RABGAP1L: variants seen among roughly 807,000 people sequenced by gnomAD.
RABGAP1L encodes the protein RAB GTPase activating protein 1 like.
In RABGAP1L, 63 loss-of-function variants were observed where a neutral mutation model predicts 137.7. The ratio of observed to expected loss-of-function variants is 0.46; its 90% CI spans 0.37 to 0.56. The LOEUF is 0.56. Among genes scored for constraint, RABGAP1L ranks in the 20% least tolerant of loss-of-function variants. The pLI is 0.00. For missense variants in RABGAP1L, 1,095 were observed against 1,244.0 expected, an observed-to-expected ratio of 0.88 and a Z score of 1.80; for synonymous variants, 431 against 433.7, an observed-to-expected ratio of 0.99 and a Z score of 0.08.
chr1:174,658,542 A>G (rs550349456), intron 14 of RABGAP1L, among the ~76,000 whole-genome samples: 23 of 152,264 alleles, frequency 1.5e-4, no homozygotes, highest in African/African-American at 5.1e-4. Context: ...TACTGCTGCC[A>G]GTTCTCTTGT....
At chr1:174,468,134 TTTTG>T (rs1301509845) in intron 13 of RABGAP1L, among the ~76,000 whole-genome samples, 1 of 152,152 alleles carries the variant, frequency 6.6e-6, no homozygotes, top group Non-Finnish European at 1.5e-5. Context: ...AAATTATTGC[TTTTG>T]TTTACTTATT....
chr1:174,846,414 C>G (rs1469939710), intron 19 of RABGAP1L, among the ~76,000 whole-genome samples: 2 of 151,370 alleles, frequency 1.3e-5, no homozygotes, highest in Non-Finnish European at 2.9e-5. Flanking sequence ...CCCAGAGATT[C>G]TGGTATGTTG....
chr1:174,868,931 A>T (rs1379622222), intron 19 of RABGAP1L, among the ~76,000 whole-genome samples: 3 of 152,086 alleles, frequency 2.0e-5, no homozygotes, highest in Non-Finnish European at 4.4e-5. Flanking sequence ...GTTTATGGAA[A>T]ATTGGTAGAG....
intron 14 of RABGAP1L, among the ~76,000 whole-genome samples, chr1:174,645,533 T>C (rs1390942727): frequency 2.0e-5 from 3 of 152,084 alleles, no homozygotes; most frequent in African/African-American, 7.3e-5. Flanking sequence ...TCCATGTCCC[T>C]GCAAAGGACA....
intron 13 of RABGAP1L, among the ~76,000 whole-genome samples, chr1:174,456,489 G>A (rs10489259): frequency 0.06 from 9,178 of 151,852 alleles, 985 homozygotes; most frequent in African/African-American, 0.21. Context: ...ATCATCGGTT[G>A]GATTTTTCTC....
At chr1:174,163,209 T>C (rs1273966485) in intron 1 of RABGAP1L, among the ~76,000 whole-genome samples, 1 of 152,188 alleles carries the variant, frequency 6.6e-6, no homozygotes, top group African/African-American at 2.4e-5. Flanking sequence ...TCCTAGACTT[T>C]CAGAACGGGA....
chr1:174,316,593 T>C (rs1319817155), intron 11 of RABGAP1L, among the ~76,000 whole-genome samples: 1 of 151,788 alleles, frequency 6.6e-6, no homozygotes, highest in Non-Finnish European at 1.5e-5. Flanking sequence ...AAACAAACAT[T>C]CTCTCTCTCT....
At chr1:174,260,962 T>C (rs1673535057) in intron 7 of RABGAP1L, among the ~76,000 whole-genome samples, 1 of 151,980 alleles carries the variant, frequency 6.6e-6, no homozygotes, top group South Asian at 2.1e-4. Context: ...AGACAAATAA[T>C]ACCATATACA....
chr1:174,548,045 A>T (rs1216859830), intron 13 of RABGAP1L: 3 of 1,550,426 alleles, frequency 1.9e-6, no homozygotes, highest in Non-Finnish European at 2.6e-6. Context: ...AAGAGGCTTA[A>T]TGCCTGTTAA....
At chr1:174,675,879 G>T (rs984527560) in intron 14 of RABGAP1L, among the ~76,000 whole-genome samples, 6 of 152,192 alleles carry the variant, frequency 3.9e-5, no homozygotes, top group African/African-American at 1.4e-4. Flanking sequence ...TTATCCTTTT[G>T]TGAAATTTTA....
chr1:174,272,536 G>T, intron 8 of RABGAP1L, 56 bp downstream of exon 8: 3 of 1,416,536 alleles, frequency 2.1e-6, no homozygotes, highest in South Asian at 3.7e-5. Flanking sequence ...TTTTATATTT[G>T]ACAAGTATTT....
At chr1:174,969,621 T>A (rs751670417) in intron 21 of RABGAP1L, among the ~76,000 whole-genome samples, 11 of 152,234 alleles carry the variant, frequency 7.2e-5, no homozygotes, top group Admixed American at 3.3e-4. Context: ...CTCTGTTATG[T>A]CTTTGTTGAT....
intron 1 of RABGAP1L, among the ~76,000 whole-genome samples, chr1:174,187,546 A>G (rs1461893380): frequency 6.6e-6 from 1 of 152,152 alleles, no homozygotes; most frequent in East Asian, 1.9e-4. Flanking sequence ...ACATTTTAAA[A>G]TGGAAGTGTG....
chr1:174,458,281 C>T (rs577852939), intron 13 of RABGAP1L, among the ~76,000 whole-genome samples: 1 of 151,586 alleles, frequency 6.6e-6, no homozygotes, highest in East Asian at 1.9e-4. Context: ...TTATGTTCTA[C>T]AAAGCCTAAA....
At chr1:174,480,871 T>C (rs1441949775) in intron 13 of RABGAP1L, among the ~76,000 whole-genome samples, 2 of 152,200 alleles carry the variant, frequency 1.3e-5, no homozygotes, top group East Asian at 3.9e-4. Flanking sequence ...TTGTGAATTT[T>C]CTAGTTTATT....
intron 13 of RABGAP1L, among the ~76,000 whole-genome samples, chr1:174,476,155 AT>A (rs1428944747): frequency 6.6e-6 from 1 of 152,202 alleles, no homozygotes; most frequent in Non-Finnish European, 1.5e-5. Flanking sequence ...TCAGTCCTCT[AT>A]GTAAGAGAAG....
At chr1:174,632,108 G>C (rs1473374940) in intron 13 of RABGAP1L, among the ~76,000 whole-genome samples, 2 of 128,654 alleles carry the variant, frequency 1.6e-5, no homozygotes, top group African/African-American at 6.0e-5. Context: ...AAATCTGTCA[G>C]CATTTGCTTG....
At chr1:174,230,702 T>C (rs1422598866) in intron 3 of RABGAP1L, among the ~76,000 whole-genome samples, 1 of 152,168 alleles carries the variant, frequency 6.6e-6, no homozygotes, top group African/African-American at 2.4e-5. Flanking sequence ...GGGTTGTGAA[T>C]TTACAGCTAT....
At chr1:174,191,819 A>G (rs1360843662) in intron 1 of RABGAP1L, among the ~76,000 whole-genome samples, 2 of 152,224 alleles carry the variant, frequency 1.3e-5, no homozygotes, top group East Asian at 1.9e-4. Context: ...ATAGAGACAC[A>G]CTGACTCAGG....
Sources: allele counts gnomAD v4.1 joint callset (sites outside exome capture counted in the v4.1 genomes callset), GRCh38; gene constraint gnomAD v4.1.1; transcripts MANE v1.5; gene names NCBI Gene and HGNC (gene_info 2026-07-23, HGNC 2026-07-21).